ADAMTS9: variants seen among roughly 807,000 people sequenced by gnomAD.
ADAMTS9 encodes the protein ADAM metallopeptidase with thrombospondin type 1 motif 9, also known as A disintegrin and metalloproteinase with thrombospondin motifs 9.
ADAMTS9 carries 107 observed loss-of-function variants against 257.1 expected under a neutral mutation model. That is an observed-to-expected ratio of 0.42 (90% CI 0.36 to 0.49). ADAMTS9 has a LOEUF of 0.49. Among genes scored for constraint, ADAMTS9 ranks in the 20% least tolerant of loss-of-function variants. ADAMTS9 has a pLI of 0.03. For missense variants in ADAMTS9, 2,353 were observed against 2,469.1 expected, an observed-to-expected ratio of 0.95 and a Z score of 1.00; for synonymous variants, 982 against 880.9, an observed-to-expected ratio of 1.11 and a Z score of -2.03.
At chr3:64,596,710 T>C in intron 27 of ADAMTS9, 120 bp downstream of exon 27, 3 of 1,219,004 alleles carry the variant, frequency 2.5e-6, no homozygotes, top group African/African-American at 1.5e-5. Flanking sequence ...TCCTAGTTAA[T>C]CCCCACCCCA....
chr3:64,601,465 C>G (rs893120371), intron 26 of ADAMTS9, among the ~76,000 whole-genome samples: 2 of 152,186 alleles, frequency 1.3e-5, no homozygotes, highest in African/African-American at 2.4e-5. Context: ...CTTACCTAGT[C>G]TAGTATTTCC....
intron 12 of ADAMTS9, among the ~76,000 whole-genome samples, chr3:64,640,491 T>C (rs533256824): frequency 1.1e-4 from 16 of 152,308 alleles, no homozygotes; most frequent in Middle Eastern, 3.4e-3. Flanking sequence ...ACTTCACCTG[T>C]TTGCTTCTCA....
At chr3:64,573,079 T>TA (rs57570382) in intron 28 of ADAMTS9, among the ~76,000 whole-genome samples, 2,575 of 119,920 alleles carry the variant, frequency 0.021, 82 homozygotes, top group African/African-American at 0.064. Flanking sequence ...GACTCCATCT[T>TA]AAAAAAAAAA....
In ADAMTS9 at chr3:64,563,562, G is replaced by A. The variant is rs149949876; in HGVS notation, c.4525-1811C>T. Among the ~76,000 whole-genome samples the A allele has an allele frequency of 8.7e-3, 1,326 of 152,228 alleles. 47 individuals are homozygous for A. Among genetic ancestry groups the A allele is most frequent in the East Asian group, 0.046 (237 of 5,176 alleles). On this transcript the variant is annotated intron_variant, in intron 29 of 39. Coordinates refer to ENST00000498707, the MANE Select transcript of ADAMTS9 (RefSeq NM_182920.2). ...TAAATAAATGAAACCTCTTTTTGAA[G>A]CTATTGTAATTGAAAAAATTACTTA... is the stretch of plus-strand genomic sequence containing the variant.
chr3:64,542,135 C>T (rs900472197), intron 32 of ADAMTS9, among the ~76,000 whole-genome samples, 165 bp from the exon 33 acceptor site: 3 of 152,080 alleles, frequency 2.0e-5, no homozygotes, highest in Non-Finnish European at 2.9e-5. Context: ...TTACTATGGG[C>T]CAGTCCCTGT....
intron 37 of ADAMTS9, among the ~76,000 whole-genome samples, chr3:64,538,261 G>A (rs1271006690): frequency 1.3e-5 from 2 of 152,112 alleles, no homozygotes; most frequent in African/African-American, 2.4e-5. Context: ...AAAAAGGATG[G>A]TGCCTGGCAC....
intron 12 of ADAMTS9, among the ~76,000 whole-genome samples, chr3:64,638,592 A>T (rs1455173267): frequency 6.6e-6 from 1 of 152,108 alleles, no homozygotes; most frequent in Non-Finnish European, 1.5e-5. Context: ...CATGGATCAA[A>T]ATTGAGATTA....
At chr3:64,681,130 T>C in intron 3 of ADAMTS9, 71 bp downstream of exon 3, 1 of 1,516,588 alleles carries the variant, frequency 6.6e-7, no homozygotes, top group East Asian at 2.3e-5. Context: ...GAAAGAGAGC[T>C]ACATCTCTGT....
rs190777159 is a variant in ADAMTS9, at chr3:64,645,937, C to T, written c.1710+2003G>A. ...GCAAAAACAGAAGATTGGGAAAAGA[C>T]ATAATTGACATCCTCCAAGTTATTC... On this transcript the variant is annotated intron_variant, in intron 11 of 39. Transcript: ENST00000498707. Among the ~76,000 whole-genome samples, 483 of 152,322 alleles carry T rather than the reference C, an allele frequency of 3.2e-3. 1 individual carries two copies. The highest frequency in any genetic ancestry group is 0.011 in the African/African-American group (443 of 41,572).
In ADAMTS9 at chr3:64,568,529, C is replaced by G. The variant is rs878866399; in HGVS notation, c.4363G>C (p.Val1455Leu). Residue 1455 changes from valine (V) to leucine (L), a missense_variant, in exon 29 of 40, where the codon GTC (valine) becomes CTC (leucine). Physicochemically the swap from Val to Leu is conservative, Grantham distance 32. Around this residue, in one of 3 missense-constraint regions of ADAMTS9, gnomAD observed 1,402 missense variants for 1,441.4 expected, o/e 0.97. Coordinates refer to ENST00000498707, the MANE Select transcript of ADAMTS9 (RefSeq NM_182920.2). ...TGTTTATGCCCTCGACCACAAGAGA[C>G]AGAACACTGCAATATAAAGCAATGG... is the stretch of plus-strand genomic sequence containing the variant. ...WSTGPWSSCS[V>L]SCGRGHKQRN... 5 of 1,613,502 alleles carry G rather than the reference C, an allele frequency of 3.1e-6. No homozygotes were observed. Among genetic ancestry groups the G allele is most frequent in the Middle Eastern group, 1.6e-4 (1 of 6,062 alleles).
At chr3:64,633,128 T>C (rs543940133) in intron 14 of ADAMTS9, among the ~76,000 whole-genome samples, 101 of 152,328 alleles carry the variant, frequency 6.6e-4, no homozygotes, top group South Asian at 1.5e-3. Context: ...AAAAATTTGC[T>C]GTCAGGAAGC....
intron 22 of ADAMTS9, among the ~76,000 whole-genome samples, chr3:64,609,692 G>A (rs955316002): frequency 5.3e-5 from 8 of 152,066 alleles, no homozygotes; most frequent in African/African-American, 1.9e-4. Context: ...GTATTGCTAA[G>A]GTGACAATAT....
At chr3:64,642,208 A>G (rs1467052248) in intron 11 of ADAMTS9, among the ~76,000 whole-genome samples, 1 of 152,188 alleles carries the variant, frequency 6.6e-6, no homozygotes, top group East Asian at 1.9e-4. Flanking sequence ...TTGCTTGAAT[A>G]AAACTGGCCA....
chr3:64,667,078 T>C (rs981992900), intron 3 of ADAMTS9, among the ~76,000 whole-genome samples: 1 of 152,174 alleles, frequency 6.6e-6, no homozygotes, highest in Non-Finnish European at 1.5e-5. Flanking sequence ...TAGTGCTACA[T>C]GCACAGTGCT....
rs1195230176 is a variant in ADAMTS9 at position 64,658,362 on chromosome 3, A to T, written c.969+140T>A. 8.0e-6 allele frequency: 7 copies of T among 878,468 alleles called. No homozygotes were observed. The South Asian group carries it at 1.3e-4, about 16-fold the overall frequency. The allele number at this position is 878,468 out of a possible 1,614,324, so 54.4% of individuals were successfully genotyped here. A position where few individuals can be genotyped will look rare whatever the true frequency, so the allele number is the denominator to read the frequency against. ...CAGTTTAAAAAGGCAACCAACAAAT[A>T]ATCTTATGTTCTCTTCAGTCACTTG... On this transcript the variant is annotated intron_variant, in intron 4 of 39. Coordinates refer to ENST00000498707, the MANE Select transcript of ADAMTS9 (RefSeq NM_182920.2).
intron 30 of ADAMTS9, among the ~76,000 whole-genome samples, chr3:64,560,387 T>C (rs1043062751): frequency 6.6e-6 from 1 of 152,042 alleles, no homozygotes; most frequent in East Asian, 1.9e-4. Flanking sequence ...AGAAAAGAAA[T>C]TACTGCAACC....
intron 28 of ADAMTS9, among the ~76,000 whole-genome samples, chr3:64,579,029 C>T (rs2083926700): frequency 6.6e-6 from 1 of 152,178 alleles, no homozygotes; most frequent in African/African-American, 2.4e-5. Flanking sequence ...CTTAGTGCCT[C>T]CACCCACGTT....
rs1428700302 is a variant in ADAMTS9, at chr3:64,686,097, C to T, written c.516+471G>A. 1.3e-5 allele frequency among the ~76,000 whole-genome samples: 2 copies of T among 152,214 alleles called. No homozygotes were observed. Among genetic ancestry groups the T allele is most frequent in the Non-Finnish European group, 2.9e-5 (2 of 68,040 alleles). On this transcript the variant is annotated intron_variant, in intron 2 of 39. Coordinates refer to ENST00000498707, the MANE Select transcript of ADAMTS9 (RefSeq NM_182920.2). The surrounding 1 kb of genome is among the most constrained non-coding windows in gnomAD (Gnocchi z 4.6). ...ACTCTAGATTACGCACCGCCCTCCA[C>T]AACACACACTGAAGGAACTCCCAGT...
At chr3:64,655,530 ACTTGACC>A in intron 6 of ADAMTS9, 39 bp downstream of exon 6, 1 of 1,493,856 alleles carries the variant, frequency 6.7e-7, no homozygotes, top group Non-Finnish European at 9.3e-7. Context: ...CATCCCATCA[ACTTGACC>A]TGAGACTGAA....
Sources: gnomAD v4.1 joint callset for allele counts (sites outside exome capture counted in the v4.1 genomes callset) on GRCh38, gnomAD v4.1.1 for gene constraint, gnomAD v4.1.1 regional missense constraint, Gnocchi (gnomAD v3.1) non-coding constraint, MANE v1.5 for transcripts, NCBI Gene and HGNC (gene_info 2026-07-23, HGNC 2026-07-21) for gene names.